Variants in ATP1A4 observed in about 807,000 individuals in gnomAD.
The protein encoded by ATP1A4 is sodium/potassium-transporting ATPase subunit alpha-4.
ATP1A4 carries 90 observed loss-of-function variants against 114.3 expected under a neutral mutation model. The ratio of observed to expected loss-of-function variants is 0.79; its 90% confidence interval spans 0.66 to 0.94. ATP1A4 has a LOEUF of 0.94. ATP1A4 is among the 40% of genes least tolerant of loss of function. ATP1A4 has a pLI of 0.00. For missense variants in ATP1A4, 1,222 were observed against 1,313.6 expected (o/e 0.93, Z 1.08); for synonymous variants, 511 against 494.1 (o/e 1.03, Z -0.45).
intron 6 of ATP1A4, among the ~76,000 whole-genome samples, chr1:160,162,113 C>T (rs1255457455): frequency 6.6e-6 from 1 of 152,202 alleles, no homozygotes; most frequent in Admixed American, 6.5e-5. Flanking sequence ...GCCTGACTCT[C>T]AGCATTTAAG....
At chr1:160,154,936 G>A (rs574204019) in intron 2 of ATP1A4, 109 bp from the exon 3 acceptor site, 63 of 983,818 alleles carry the variant, frequency 6.4e-5, no homozygotes, top group South Asian at 5.6e-4. Flanking sequence ...TTCTGAAAGC[G>A]TCTTTAGTCT....
chr1:160,183,980 T>C (rs1653796104), intron 20 of ATP1A4, among the ~76,000 whole-genome samples: 1 of 138,656 alleles, frequency 7.2e-6, no homozygotes, highest in South Asian at 2.3e-4. Context: ...TGAGATGGAG[T>C]GTCACTCTGT....
At chr1:160,154,404 T>C (rs1399190364) in intron 2 of ATP1A4, among the ~76,000 whole-genome samples, 2 of 152,124 alleles carry the variant, frequency 1.3e-5, no homozygotes, top group African/African-American at 2.4e-5. Flanking sequence ...GATGTACATA[T>C]TTATGGTATA....
intron 15 of ATP1A4, among the ~76,000 whole-genome samples, chr1:160,175,645 G>C (rs1431020156): frequency 1.3e-5 from 2 of 152,034 alleles, no homozygotes; most frequent in Non-Finnish European, 2.9e-5. Flanking sequence ...GGCAGTCAGA[G>C]ACGGATGCAG....
At chr1:160,162,399 G>A (rs1031872591) in intron 6 of ATP1A4, among the ~76,000 whole-genome samples, 22 of 152,196 alleles carry the variant, frequency 1.4e-4, no homozygotes, top group Non-Finnish European at 1.5e-5. Flanking sequence ...CTGGGGCAGT[G>A]CTGGTGGAGA....
Position 160,159,059 on chromosome 1 carries a change from T to G in ATP1A4, c.583T>G (p.Leu195Val). The G allele has an allele frequency of 6.2e-7, 1 of 1,614,010 alleles. No individual in the cohort carries two copies. The highest frequency in any genetic ancestry group is 8.5e-7 in the Non-Finnish European group (1 of 1,179,950). Reference sequence around the variant, plus strand: ...GCAAATTAATGTACAAGAGGTGGTGTTGGGAGACCTGGTGGAAATCAAGGG... The same window carrying G: ...GCAAATTAATGTACAAGAGGTGGTGGTGGGAGACCTGGTGGAAATCAAGGG... ...KMQINVQEVV[L>V]GDLVEIKGGD... The change falls in exon 5 of 22, where the codon TTG becomes GTG. Residue 195 changes from leucine to valine, a missense_variant. Physicochemically the swap from Leu to Val is conservative, Grantham distance 32. Coordinates refer to ENST00000368081, the MANE Select transcript of ATP1A4 (RefSeq NM_144699.4).
At chr1:160,185,297 G>A (rs891968186) in intron 20 of ATP1A4, among the ~76,000 whole-genome samples, 1 of 151,952 alleles carries the variant, frequency 6.6e-6, no homozygotes, top group Non-Finnish European at 1.5e-5. Context: ...ATTTTTAGTA[G>A]AGACGGCGTT....
rs1652980426 is a variant in ATP1A4 at position 160,165,010 on chromosome 1, C to A, written c.1047+586C>A. On this transcript the variant is annotated intron_variant, in intron 7 of 21. Coordinates refer to ENST00000368081, the MANE Select transcript of ATP1A4 (RefSeq NM_144699.4). ...GAAACACAAAATAAGTCAATTCTTT[C>A]TCTTCTACAGACTAGCCCTTTAGAT... 2.6e-5 allele frequency among the ~76,000 whole-genome samples: 4 copies of A among 152,324 alleles called. No homozygotes were observed. In the South Asian group the frequency reaches 8.3e-4, roughly 32 times the overall value.
intron 12 of ATP1A4, among the ~76,000 whole-genome samples, chr1:160,172,891 GCTTA>G (rs924054700): frequency 6.6e-6 from 1 of 152,166 alleles, no homozygotes; most frequent in Non-Finnish European, 1.5e-5. Context: ...TTTGTTGATG[GCTTA>G]CTATGTGCTA....
chr1:160,167,503 C>T, intron 10 of ATP1A4, 91 bp downstream of exon 10: 9 of 1,544,228 alleles, frequency 5.8e-6, no homozygotes, highest in South Asian at 1.2e-5. Flanking sequence ...TCAACTTCAC[C>T]TCGGAGAAGC....
intron 10 of ATP1A4, among the ~76,000 whole-genome samples, chr1:160,168,945 C>T (rs1483923494): frequency 3.3e-5 from 5 of 152,190 alleles, no homozygotes; most frequent in African/African-American, 7.2e-5. Flanking sequence ...GGTACCTCTC[C>T]GTCCATGTGA....
intron 6 of ATP1A4, among the ~76,000 whole-genome samples, chr1:160,163,178 T>A (rs1652916906): frequency 6.6e-6 from 1 of 151,594 alleles, no homozygotes. Context: ...ACAGCTTTTT[T>A]TTTTCTCTAC....
intron 2 of ATP1A4, among the ~76,000 whole-genome samples, chr1:160,153,685 TAGC>T (rs908976905): frequency 1.3e-5 from 2 of 152,236 alleles, no homozygotes; most frequent in African/African-American, 4.8e-5. Context: ...ACAAAAAAAT[TAGC>T]AGCATCTTAC....
chr1:160,155,321 A>C (rs1652609842), intron 3 of ATP1A4, 73 bp downstream of exon 3: 1 of 1,295,334 alleles, frequency 7.7e-7, no homozygotes, highest in Non-Finnish European at 1.1e-6. Flanking sequence ...TCAGCAGCCT[A>C]GCACTCCTGA....
intron 4 of ATP1A4, among the ~76,000 whole-genome samples, chr1:160,158,526 G>A (rs1304841216): frequency 6.6e-6 from 1 of 151,986 alleles, no homozygotes; most frequent in Non-Finnish European, 1.5e-5. Flanking sequence ...ACAGGTGCAT[G>A]CCACCACACC....
intron 1 of ATP1A4, among the ~76,000 whole-genome samples, chr1:160,152,724 T>C (rs1172660953): frequency 6.6e-6 from 1 of 152,140 alleles, no homozygotes; most frequent in Non-Finnish European, 1.5e-5. Flanking sequence ...TGTTTCACTT[T>C]GACCAAGGCC....
intron 9 of ATP1A4, 64 bp from the exon 10 acceptor site, chr1:160,167,214 C>T: frequency 6.4e-7 from 1 of 1,567,182 alleles, no homozygotes; most frequent in Non-Finnish European, 8.7e-7. Context: ...CATGTTGCCA[C>T]AGGTATGCCT....
At chr1:160,171,072 C>G in intron 10 of ATP1A4, 179 bp from the exon 11 acceptor site, 1 of 538,084 alleles carries the variant, frequency 1.9e-6, no homozygotes, top group Non-Finnish European at 3.2e-6. Flanking sequence ...CTGCAGTTTT[C>G]TGGAAAAAGG....
Position 160,173,639 on chromosome 1 carries a change from G to GCATCATC in ATP1A4, c.1914_1920dup (p.Ser641HisfsTer7), listed in dbSNP as rs1557804667. On this transcript the variant is annotated frameshift_variant, in exon 13 of 22. Transcript: ENST00000368081. LOFTEE classifies it high-confidence loss of function. ...GCTAAGGCCATTGCCAAGGGTGTGG[G>GCATCATC]CATCATCTCAGAAGGCACTGAGACG... The GCATCATC allele has an allele frequency of 6.2e-7, 1 of 1,614,178 alleles. No individual in the cohort carries two copies. Among genetic ancestry groups the GCATCATC allele is most frequent in the Non-Finnish European group, 8.5e-7 (1 of 1,180,036 alleles).
Sources: gnomAD v4.1 joint callset for allele counts (sites outside exome capture counted in the v4.1 genomes callset) on GRCh38, gnomAD v4.1.1 for gene constraint, MANE v1.5 for transcripts, NCBI Gene and HGNC (gene_info 2026-07-23, HGNC 2026-07-21) for gene names.